The following ZMYND11 variants were observed in gnomAD, a reference collection of about 807,000 sequenced individuals.
The protein encoded by ZMYND11 is zinc finger MYND domain-containing protein 11.
In ZMYND11, 9 loss-of-function variants were observed where a neutral mutation model predicts 84.9. The observed-to-expected ratio is 0.11, with a 90% CI of 0.06 to 0.18. The LOEUF is 0.18. Ranked by LOEUF, ZMYND11 falls within the 10% of genes least tolerant of loss-of-function variation. ZMYND11 has a pLI of 1.00. For synonymous variants in ZMYND11, 250 were observed against 244.1 expected (o/e 1.02, Z -0.23); for missense variants, 409 against 761.0 (o/e 0.54, Z 5.44).
chr10:222,508 C>G (rs536937126), intron 4 of ZMYND11, among the ~76,000 whole-genome samples: 1 of 152,252 alleles, frequency 6.6e-6, no homozygotes, highest in African/African-American at 2.4e-5. Context: ...TGTAGACCTC[C>G]TCTTTGAGGT....
At chr10:163,360 G>C (rs1286005619) in intron 1 of ZMYND11, among the ~76,000 whole-genome samples, 2 of 152,004 alleles carry the variant, frequency 1.3e-5, no homozygotes, top group Admixed American at 6.5e-5. Flanking sequence ...ATTTTTCAGG[G>C]CTAGGAACTC....
chr10:229,713 AT>A (rs1369548739), intron 4 of ZMYND11, among the ~76,000 whole-genome samples: 1 of 152,156 alleles, frequency 6.6e-6, no homozygotes, highest in East Asian at 1.9e-4. Context: ...TTAGAAAATG[AT>A]TTTCACTGAT....
At position 138,335 on chromosome 10, in the gene ZMYND11, T is replaced by G. The variant is rs1211903402; in HGVS notation, c.-20+2776T>G. On this transcript the variant is annotated intron_variant, in intron 1 of 14. Transcript: ENST00000381604. ...GGTGGTTTGCCATGTTGGCCAGGTCTCAGACTCCTGGCCTCAAATGATCCA... is the reference window on the plus strand; with the variant it reads ...GGTGGTTTGCCATGTTGGCCAGGTCGCAGACTCCTGGCCTCAAATGATCCA... Among the ~76,000 whole-genome samples, 5 of 152,230 alleles carry G rather than the reference T, an allele frequency of 3.3e-5. No individual in the cohort carries two copies. The East Asian group carries it at 9.7e-4, about 29-fold the overall frequency.
intron 4 of ZMYND11, among the ~76,000 whole-genome samples, chr10:225,545 G>A (rs1456957027): frequency 2.0e-5 from 3 of 152,076 alleles, no homozygotes; most frequent in African/African-American, 2.4e-5. Context: ...ACAGGGTCTC[G>A]CTGTATTGCC....
intron 1 of ZMYND11, among the ~76,000 whole-genome samples, chr10:175,667 G>C (rs1846451161): frequency 6.6e-6 from 1 of 152,236 alleles, no homozygotes; most frequent in Non-Finnish European, 1.5e-5. Flanking sequence ...CAATGATAAA[G>C]GAATACATAG....
At chr10:250,263 A>C (rs1490889026) in intron 14 of ZMYND11, among the ~76,000 whole-genome samples, 1 of 152,252 alleles carries the variant, frequency 6.6e-6, no homozygotes. Context: ...GACAAGAATG[A>C]CTGAATTTGT....
chr10:166,194 A>T (rs367904652), intron 1 of ZMYND11, among the ~76,000 whole-genome samples: 1 of 152,176 alleles, frequency 6.6e-6, no homozygotes, highest in East Asian at 1.9e-4. Flanking sequence ...TTTGCAATGG[A>T]TTCTTAGGTA....
intron 1 of ZMYND11, among the ~76,000 whole-genome samples, chr10:145,475 C>A (rs888550128): frequency 2.6e-5 from 4 of 151,974 alleles, no homozygotes; most frequent in African/African-American, 9.7e-5. Flanking sequence ...ACGTCCGTGC[C>A]GTTTTCTGTA....
intron 1 of ZMYND11, among the ~76,000 whole-genome samples, chr10:153,529 A>G (rs899094058): frequency 1.3e-5 from 2 of 152,138 alleles, no homozygotes; most frequent in East Asian, 1.9e-4. Context: ...TTTTAAATTT[A>G]CCTCTTTTAT....
upstream of ZMYND11, chr10:135,340 G>T (rs1224417707): frequency 1.3e-5 from 2 of 151,020 alleles, no homozygotes; most frequent in African/African-American, 4.8e-5. This position sits in a 1 kb window ranked among gnomAD's most constrained non-coding sequence, Gnocchi z 5.6. Context: ...CGAGCCCGGA[G>T]CCCTTCGCGC....
intron 2 of ZMYND11, among the ~76,000 whole-genome samples, chr10:187,590 C>T (rs1479175817): frequency 7.3e-5 from 11 of 150,630 alleles, no homozygotes; most frequent in African/African-American, 2.4e-4. Flanking sequence ...GCCGAGATTG[C>T]GCCACTGCAA....
At chr10:210,488 T>G (rs569039862) in intron 3 of ZMYND11, among the ~76,000 whole-genome samples, 2 of 152,276 alleles carry the variant, frequency 1.3e-5, no homozygotes, top group African/African-American at 4.8e-5. Context: ...CAGTAGGAAT[T>G]TTGTGGCAGA....
chr10:234,982 A>ATGTGTGTGTGTG (rs60483060), intron 4 of ZMYND11, among the ~76,000 whole-genome samples: 22,144 of 148,822 alleles, frequency 0.15, 2,142 homozygotes, highest in East Asian at 0.31. Flanking sequence ...TATTTCGCAA[A>ATGTGTGTGTGTG]TGTGTGTGTG....
chr10:215,943 GA>G (rs1488466567), intron 3 of ZMYND11, among the ~76,000 whole-genome samples: 2 of 152,090 alleles, frequency 1.3e-5, no homozygotes, highest in Non-Finnish European at 2.9e-5. Context: ...CATAATTAAT[GA>G]AAATATATAT....
chr10:147,837 G>GT (rs1839278661), intron 1 of ZMYND11: 1 of 152,026 alleles, frequency 6.6e-6, no homozygotes, highest in South Asian at 2.1e-4. Flanking sequence ...CAGGATATGG[G>GT]TTGCCATCCA....
At chr10:210,198 A>T in intron 3 of ZMYND11, 150 bp downstream of exon 3, 1 of 817,868 alleles carries the variant, frequency 1.2e-6, no homozygotes, top group Admixed American at 2.9e-5. Context: ...GGTAGTATGG[A>T]TACTTTCCTT....
chr10:169,227 CTG>C (rs1457990451), intron 1 of ZMYND11, among the ~76,000 whole-genome samples: 1 of 152,122 alleles, frequency 6.6e-6, no homozygotes, highest in Non-Finnish European at 1.5e-5. Flanking sequence ...AGGGGGGAAA[CTG>C]TACAGCCCTG....
In ZMYND11 at chr10:247,354, T is replaced by G. The variant is rs200613602; in HGVS notation, c.1159-44T>G. The G allele has an allele frequency of 4.4e-6, 7 of 1,604,862 alleles. No individual in the cohort carries two copies. The East Asian group carries it at 1.6e-4, about 36-fold the overall frequency. ...ATGAGTGTTTTCAGCAGAGAAGTAT[T>G]TTCTAGTGTCTGGAATAATATATTA... On this transcript the variant is annotated intron_variant, in intron 11 of 14. Transcript: ENST00000381604.
chr10:249,402 CCTGA>C (rs1162252491), intron 14 of ZMYND11: 2 of 1,089,896 alleles, frequency 1.8e-6, no homozygotes, highest in South Asian at 3.5e-5. Context: ...AGTGGCTGGC[CCTGA>C]CTTTTACCTG....
Sources: allele counts gnomAD v4.1 joint callset (sites outside exome capture counted in the v4.1 genomes callset), GRCh38; gene constraint gnomAD v4.1.1; non-coding constraint Gnocchi (gnomAD v3.1); transcripts MANE v1.5; gene names NCBI Gene and HGNC (gene_info 2026-07-23, HGNC 2026-07-21).